Variants in INTS2 observed in about 807,000 individuals in gnomAD.
INTS2 encodes KIAA1287.
A neutral mutation model predicts 139.6 loss-of-function variants in INTS2; 57 were observed. The ratio of observed to expected loss-of-function variants is 0.41; its 90% CI spans 0.33 to 0.51. The LOEUF is 0.51. Ranked by LOEUF, INTS2 falls within the 20% of genes least tolerant of loss-of-function variation. INTS2 has a pLI of 0.28. For synonymous variants in INTS2, 473 were observed against 493.4 expected (o/e 0.96, Z 0.55); for missense variants, 1,196 against 1,436.7 (o/e 0.83, Z 2.71).
At chr17:61,902,510 G>T (rs2079416789) in intron 9 of INTS2, among the ~76,000 whole-genome samples, 1 of 151,994 alleles carries the variant, frequency 6.6e-6, no homozygotes, top group Non-Finnish European at 1.5e-5. Flanking sequence ...GGTTTTTAGT[G>T]TATATACAGA....
chr17:61,917,919 A>G (rs1431203595), intron 5 of INTS2, among the ~76,000 whole-genome samples: 2 of 152,206 alleles, frequency 1.3e-5, no homozygotes, highest in East Asian at 3.8e-4. Flanking sequence ...ACTTGGGGAA[A>G]AAAGTATATT....
chr17:61,922,366 G>A (rs2079650737), intron 3 of INTS2, among the ~76,000 whole-genome samples: 1 of 149,348 alleles, frequency 6.7e-6, no homozygotes, highest in Non-Finnish European at 1.5e-5. Context: ...TACTCAGGAG[G>A]CTGAGGCAGG....
At chr17:61,874,268 T>A (rs1197035041) in intron 19 of INTS2, 1 of 152,182 alleles carries the variant, frequency 6.6e-6, no homozygotes, top group Non-Finnish European at 1.5e-5. Flanking sequence ...TACCACACCA[T>A]TCATCTACAT....
chr17:61,887,414 T>C (rs1375515147), intron 15 of INTS2, among the ~76,000 whole-genome samples: 3 of 138,736 alleles, frequency 2.2e-5, no homozygotes, highest in Non-Finnish European at 4.6e-5. Context: ...ACCCGGGAGG[T>C]GGAGGTTGCA....
rs539387081 is a variant in INTS2, at chr17:61,868,141, G to A, written c.3245-132C>T. On this transcript the variant is annotated intron_variant, in intron 23 of 24. Coordinates refer to ENST00000251334, the MANE Select transcript of INTS2 (RefSeq NM_001351695.2). The surrounding 1 kb of genome is among the most constrained non-coding windows in gnomAD (Gnocchi z 4.7). ...TCTAAACACAGCCAACCCGTCTTCA[G>A]AAAGCTCACAATCTAGTAGTCTCAG... 2 of 620,736 alleles carry A rather than the reference G, an allele frequency of 3.2e-6. No individual in the cohort carries two copies. The highest frequency in any genetic ancestry group is 6.3e-5 in the East Asian group (2 of 31,618). 38.5% of individuals were successfully genotyped at this position (620,736 alleles called of 1,614,324 possible).
chr17:61,875,017 A>C lies in INTS2; in HGVS notation c.2478T>G (p.Asn826Lys). 1 of 1,595,378 alleles carries C rather than the reference A, an allele frequency of 6.3e-7. No homozygotes were observed. The highest frequency in any genetic ancestry group is 8.5e-7 in the Non-Finnish European group (1 of 1,169,900). Residue 826 changes from asparagine (N) to lysine (K), a missense_variant, in exon 19 of 25, where the codon AAT becomes AAG. Asn to Lys is a moderately conservative substitution (Grantham distance 94). This residue lies in a region of INTS2 where 1,129 missense variants were observed against 1,341.9 expected (regional missense o/e 0.84). Transcript: ENST00000251334. This position sits in a 1 kb window ranked among gnomAD's most constrained non-coding sequence, Gnocchi z 4.6. ...CAAACTTTATTGAAGGCTGAAGTGC[A>C]TTAACCGTCATTACCCATAGCCTGA... ...MPRRLWVMTV[N>K]ALQPSIKFVR...
intron 9 of INTS2, among the ~76,000 whole-genome samples, chr17:61,899,609 T>C (rs570172635): frequency 5.3e-5 from 8 of 151,888 alleles, no homozygotes; most frequent in Non-Finnish European, 8.8e-5. Flanking sequence ...CTATAAGATA[T>C]AGACAAAAAT....
intron 18 of INTS2, among the ~76,000 whole-genome samples, chr17:61,877,268 G>A (rs2079134734): frequency 6.6e-6 from 1 of 152,126 alleles, no homozygotes; most frequent in South Asian, 2.1e-4. Context: ...AGTCTCTGGG[G>A]AGCTAAAGTC....
At position 61,926,496 on chromosome 17, in the gene INTS2, G is replaced by C; in HGVS notation, c.149C>G (p.Ala50Gly). 1 of 1,614,010 alleles carries C rather than the reference G, an allele frequency of 6.2e-7. No homozygotes were observed. Among genetic ancestry groups the C allele is most frequent in the Non-Finnish European group, 8.5e-7 (1 of 1,179,880 alleles). Residue 50 changes from alanine to glycine, a missense_variant, in exon 2 of 25, where the codon GCT becomes GGT. Physicochemically the swap from Ala to Gly is moderately conservative, Grantham distance 60 (BLOSUM62 0). Transcript: ENST00000251334. ...CTGAGCCCAGCTTTGGCTCTGGTCA[G>C]CAGGTGCACAAAGTGCCATCCGTAC... ...CLVRMALCAP[A>G]DQSQSWAQDK... is the part of the protein sequence containing the mutation.
rs1197396154 is a variant in INTS2 at position 61,871,169 on chromosome 17, G to A, written c.2778+1096C>T. 2.0e-5 allele frequency among the ~76,000 whole-genome samples: 3 copies of A among 152,196 alleles called. No individual in the cohort carries two copies. Among genetic ancestry groups the A allele is most frequent in the Non-Finnish European group, 4.4e-5 (3 of 68,042 alleles). ...GGAGTCTCGCTCTGTCGCCCAGGCT[G>A]TAGTGCAGAGGCACGATCTCAGCTC... On this transcript the variant is annotated intron_variant, in intron 20 of 24. Coordinates refer to ENST00000251334, the MANE Select transcript of INTS2 (RefSeq NM_001351695.2). The surrounding 1 kb of genome is among the most constrained non-coding windows in gnomAD (Gnocchi z 4.9).
chr17:61,917,725 C>T (rs536411815), intron 5 of INTS2, among the ~76,000 whole-genome samples: 1 of 152,264 alleles, frequency 6.6e-6, no homozygotes, highest in South Asian at 2.1e-4. Context: ...ACCTCAGTGT[C>T]ATACAATATA....
rs1472551510 is a variant in INTS2, at chr17:61,909,009, T to C, written c.955-1375A>G. 6.6e-6 allele frequency among the ~76,000 whole-genome samples: 1 copy of C among 152,198 alleles called. No individual in the cohort carries two copies. Among genetic ancestry groups the C allele is most frequent in the African/African-American group, 2.4e-5 (1 of 41,440 alleles). On this transcript the variant is annotated intron_variant, in intron 7 of 24. Coordinates refer to ENST00000251334, the MANE Select transcript of INTS2 (RefSeq NM_001351695.2). The surrounding 1 kb of genome is among the most constrained non-coding windows in gnomAD (Gnocchi z 4.9). Reference sequence around the variant, plus strand: ...TCACATAGTTAATATAAATTAGTTTTTGAAAAATTAAAACATTTTGCAAGT... The same window carrying C: ...TCACATAGTTAATATAAATTAGTTTCTGAAAAATTAAAACATTTTGCAAGT...
At chr17:61,924,858 GGAGAA>G in intron 3 of INTS2, 98 bp downstream of exon 3, 1 of 1,144,798 alleles carries the variant, frequency 8.7e-7, no homozygotes, top group Non-Finnish European at 1.3e-6. Flanking sequence ...TAAGAGTAGA[GGAGAA>G]TTCAACCTGC....
rs1281017307 is a variant in INTS2, at chr17:61,882,881, A to G, written c.2090-1710T>C. On this transcript the variant is annotated intron_variant, in intron 16 of 24. Coordinates refer to ENST00000251334, the MANE Select transcript of INTS2 (RefSeq NM_001351695.2). The surrounding 1 kb of genome is among the most constrained non-coding windows in gnomAD (Gnocchi z 4.7). ...GTAAGACTACGCAGTAGTAGTAGGA[A>G]TCAAAGTACTTTAGATCTAATTATC... is the stretch of plus-strand genomic sequence containing the variant. Among the ~76,000 whole-genome samples the G allele has an allele frequency of 6.6e-6, 1 of 152,228 alleles. No homozygotes were observed. The highest frequency in any genetic ancestry group is 2.4e-5 in the African/African-American group (1 of 41,460).
chr17:61,907,725 T>C, intron 7 of INTS2, 91 bp from the exon 8 acceptor site: 1 of 967,264 alleles, frequency 1.0e-6, no homozygotes, highest in Non-Finnish European at 1.5e-6. Context: ...CTTAAACACT[T>C]TCAAATTGGC....
At chr17:61,885,718 G>A (rs1418847252) in intron 15 of INTS2, among the ~76,000 whole-genome samples, 2 of 140,582 alleles carry the variant, frequency 1.4e-5, no homozygotes, top group Non-Finnish European at 3.0e-5. Flanking sequence ...CACTGGGCCC[G>A]GCCAATTTTT....
Position 61,873,939 on chromosome 17 carries a change from C to G in INTS2, c.2582+974G>C, listed in dbSNP as rs2079108327. The stretch of plus-strand genomic sequence containing the variant: ...AAATGTTCTCTTTTCAAAAATAACC[C>G]TCTTCACGGCTTCCTCATTCTTGCT... On this transcript the variant is annotated intron_variant, in intron 19 of 24. Transcript: ENST00000251334. The surrounding 1 kb of genome is among the most constrained non-coding windows in gnomAD (Gnocchi z 4.0). 6.6e-6 allele frequency: 1 copy of G among 152,188 alleles called. No homozygotes were observed. Among genetic ancestry groups the G allele is most frequent in the Non-Finnish European group, 1.5e-5 (1 of 68,034 alleles). 9.4% of individuals were successfully genotyped at this position (152,188 alleles called of 1,614,324 possible).
chr17:61,883,770 A>G (rs889433974), intron 16 of INTS2, among the ~76,000 whole-genome samples: 2 of 151,776 alleles, frequency 1.3e-5, no homozygotes, highest in Non-Finnish European at 2.9e-5. Flanking sequence ...AAAAAAAGAA[A>G]AGAAAAAGAA....
intron 5 of INTS2, among the ~76,000 whole-genome samples, chr17:61,913,027 G>C (rs1368250321): frequency 2.6e-5 from 4 of 151,666 alleles, no homozygotes; most frequent in Non-Finnish European, 5.9e-5. Context: ...AGTGAGCCGA[G>C]ATCACACCAC....
Sources: gnomAD v4.1 joint callset for allele counts (sites outside exome capture counted in the v4.1 genomes callset) on GRCh38, gnomAD v4.1.1 for gene constraint, gnomAD v4.1.1 regional missense constraint, Gnocchi (gnomAD v3.1) non-coding constraint, MANE v1.5 for transcripts, NCBI Gene and HGNC (gene_info 2026-07-23, HGNC 2026-07-21) for gene names.